TMED3: variants seen among roughly 807,000 people sequenced by gnomAD.
The protein encoded by TMED3 is transmembrane p24 trafficking protein 3.
A neutral mutation model predicts 15.0 loss-of-function variants in TMED3; 9 were observed. The ratio of observed to expected loss-of-function variants is 0.60; its 90% CI spans 0.36 to 1.04. The LOEUF (loss-of-function observed/expected upper bound fraction) is 1.04. TMED3 is among the 50% of genes least tolerant of loss of function. The probability of loss-of-function intolerance (pLI) is 0.01; values close to 1 mark genes in which losing one functional copy is unlikely to be tolerated. For missense variants in TMED3, 267 were observed against 278.9 expected, an observed-to-expected ratio of 0.96 and a Z score of 0.30; for synonymous variants, 117 against 121.4, an observed-to-expected ratio of 0.96 and a Z score of 0.24.
chr15:79,350,514 AGCATCCAGCATGGGAGAAAAATGAAGG>A (rs1347789477), intron 2 of TMED3, among the ~76,000 whole-genome samples: 1 of 152,130 alleles, frequency 6.6e-6, no homozygotes, highest in African/African-American at 2.4e-5. Flanking sequence ...GAGGGCAGGA[AGCATCCAGCATGGGAGAAAAATGAAGG>A]CTCAGCAAGT....
At position 79,311,352 on chromosome 15, in the gene TMED3, G is replaced by T. The variant is rs768258623; in HGVS notation, c.103G>T (p.Asp35Tyr). 6.2e-7 allele frequency: 1 copy of T among 1,611,976 alleles called. No individual in the cohort carries two copies. Among genetic ancestry groups the T allele is most frequent in the South Asian group, 1.1e-5 (1 of 90,682 alleles). ...GGCCGAGCTCACCTTCGAGCTGCCG[G>T]ACAACGCCAAGCAGTGCTTCCACGA... ...CGAELTFELP[D>Y]NAKQCFHEEV... Residue 35 changes from aspartate (D) to tyrosine (Y), a missense_variant, in exon 1 of 3, where the codon GAC becomes TAC. Coordinates refer to ENST00000299705, the MANE Select transcript of TMED3 (RefSeq NM_007364.4).
intron 2 of TMED3, among the ~76,000 whole-genome samples, chr15:79,364,660 A>G (rs969700851): frequency 1.3e-5 from 2 of 151,832 alleles, no homozygotes; most frequent in Admixed American, 6.6e-5. Context: ...GAATGGTGGA[A>G]CGACACAGCA....
chr15:79,387,897 G>A (rs1213423122), intron 2 of TMED3, among the ~76,000 whole-genome samples: 1 of 151,942 alleles, frequency 6.6e-6, no homozygotes, highest in Non-Finnish European at 1.5e-5. Flanking sequence ...GTTTGTTGCT[G>A]GCATATAGAA....
In TMED3 at chr15:79,367,955, C is replaced by T. The variant is rs181272703; in HGVS notation, c.418-43445C>T. Among the ~76,000 whole-genome samples, 310 of 152,204 alleles carry T rather than the reference C, an allele frequency of 2.0e-3. 2 individuals are homozygous for T. Among genetic ancestry groups the T allele is most frequent in the Non-Finnish European group, 4.2e-3 (286 of 68,010 alleles). On this transcript the variant is annotated intron_variant, in intron 2 of 2. Transcript: ENST00000424155. ...TTGTGAGTATACCTTTATCCAGGCC[C>T]CTCAGGAAGTAATTTAGAAGAAAGA...
chr15:79,344,929 A>T (rs951943834), intron 2 of TMED3, among the ~76,000 whole-genome samples: 2 of 152,154 alleles, frequency 1.3e-5, no homozygotes, highest in African/African-American at 2.4e-5. Context: ...GGAGATGTGG[A>T]AGAGACTGTT....
At chr15:79,323,872 C>A (rs1222965392), downstream of TMED3, among the ~76,000 whole-genome samples, 2 of 152,220 alleles carry the variant, frequency 1.3e-5, no homozygotes, top group South Asian at 4.1e-4. Context: ...GGGGCAAAAA[C>A]CCTGCCCCAC....
chr15:79,369,793 G>T (rs1893302574), intron 2 of TMED3, among the ~76,000 whole-genome samples: 1 of 152,224 alleles, frequency 6.6e-6, no homozygotes, highest in Non-Finnish European at 1.5e-5. Context: ...CCAAGGCCCT[G>T]CTGTGCCAGG....
chr15:79,340,903 A>G (rs773572546), intron 2 of TMED3, among the ~76,000 whole-genome samples: 2 of 152,112 alleles, frequency 1.3e-5, no homozygotes, highest in Non-Finnish European at 2.9e-5. Context: ...GGTCAGATAA[A>G]AGGTAATTTG....
At chr15:79,314,340 C>T (rs1056109446) in intron 2 of TMED3, among the ~76,000 whole-genome samples, 2 of 152,184 alleles carry the variant, frequency 1.3e-5, no homozygotes, top group Non-Finnish European at 2.9e-5. Flanking sequence ...ATCATAAAGA[C>T]CAAAGTCCTA....
chr15:79,410,628 G>T (rs1893964623), intron 2 of TMED3, among the ~76,000 whole-genome samples: 1 of 151,852 alleles, frequency 6.6e-6, no homozygotes, highest in Non-Finnish European at 1.5e-5. Flanking sequence ...TTTCCCATAG[G>T]TGTTTAAGCT....
chr15:79,403,901 C>T (rs1321377960), intron 2 of TMED3, among the ~76,000 whole-genome samples: 1 of 152,136 alleles, frequency 6.6e-6, no homozygotes, highest in Non-Finnish European at 1.5e-5. Flanking sequence ...GGACACTATA[C>T]CCGGCATGAC....
At chr15:79,408,556 T>C (rs1595913538) in intron 2 of TMED3, among the ~76,000 whole-genome samples, 1 of 152,062 alleles carries the variant, frequency 6.6e-6, no homozygotes, top group African/African-American at 2.4e-5. Flanking sequence ...GATGCCTAAA[T>C]GTGAGTGAGA....
In TMED3 at chr15:79,360,620, C is replaced by T. The variant is rs180966162; in HGVS notation, c.417+46615C>T. Among the ~76,000 whole-genome samples, 279 of 152,260 alleles carry T rather than the reference C, an allele frequency of 1.8e-3. 4 individuals carry two copies. The highest frequency in any genetic ancestry group is 6.4e-3 in the African/African-American group (266 of 41,540). ...GACATCTTTACATATCGTTAGACCG[C>T]GACATCCCAACAGCAGTGCCTTAAG... On this transcript the variant is annotated intron_variant, in intron 2 of 2. Coordinates refer to the TMED3 transcript ENST00000424155.
At chr15:79,328,433 T>C (rs1245391476) in intron 2 of TMED3, among the ~76,000 whole-genome samples, 2 of 152,250 alleles carry the variant, frequency 1.3e-5, no homozygotes, top group Admixed American at 1.3e-4. Flanking sequence ...CCCTGACTTC[T>C]ATGCAAAAAA....
At position 79,322,157 on chromosome 15, in the gene TMED3, A is replaced by AGCACACACC. The variant is rs774501360; in HGVS notation, c.597_598insGCACACACC (p.Leu199_Leu200insAlaHisThr). 3.7e-6 allele frequency: 6 copies of AGCACACACC among 1,614,192 alleles called. No homozygotes were observed. Among genetic ancestry groups the AGCACACACC allele is most frequent in the Non-Finnish European group, 5.1e-6 (6 of 1,180,036 alleles). On this transcript the variant is annotated inframe_insertion, in exon 3 of 3. Coordinates refer to ENST00000299705, the MANE Select transcript of TMED3 (RefSeq NM_007364.4). ...TCGTGGTCAGCTTCAGTCAGGTGCT[A>AGCACACACC]CTGTTGAAAAGCTTCTTCACAGAAA...
At chr15:79,352,513 T>C (rs539630938) in intron 2 of TMED3, among the ~76,000 whole-genome samples, 15 of 152,108 alleles carry the variant, frequency 9.9e-5, no homozygotes, top group African/African-American at 2.9e-4. Context: ...GATTTACTAA[T>C]GTGACACATG....
intron 2 of TMED3, among the ~76,000 whole-genome samples, chr15:79,353,238 T>A (rs2058902298): frequency 1.5e-5 from 1 of 66,276 alleles, no homozygotes; most frequent in Non-Finnish European, 2.6e-5. Context: ...ATATATAAAA[T>A]ATATATACTA....
intron 2 of TMED3, among the ~76,000 whole-genome samples, chr15:79,350,021 A>G (rs2058885912): frequency 6.6e-6 from 1 of 152,148 alleles, no homozygotes; most frequent in African/African-American, 2.4e-5. Context: ...TTCCAGTAGA[A>G]CATAAACTGC....
intron 2 of TMED3, among the ~76,000 whole-genome samples, chr15:79,315,285 A>G (rs2058735962): frequency 6.6e-6 from 1 of 152,226 alleles, no homozygotes; most frequent in Non-Finnish European, 1.5e-5. Context: ...TCACTTCCTC[A>G]TCTGCACCAT....
Sources: gnomAD v4.1 joint callset for allele counts (sites outside exome capture counted in the v4.1 genomes callset) on GRCh38, gnomAD v4.1.1 for gene constraint, MANE v1.5 for transcripts, NCBI Gene and HGNC (gene_info 2026-07-23, HGNC 2026-07-21) for gene names.